The following TEK variants were observed in gnomAD, a reference collection of about 807,000 sequenced individuals.
The protein encoded by TEK is angiopoietin-1 receptor.
Under a neutral mutation model 131.8 loss-of-function variants are expected in TEK, and 43 were observed. That is an observed-to-expected ratio of 0.33 (90% CI 0.26 to 0.42). The LOEUF (loss-of-function observed/expected upper bound fraction) is 0.42. TEK is among the 10% of genes least tolerant of loss of function. The pLI, the probability that TEK is intolerant of heterozygous loss-of-function variation, is 1.00. For synonymous variants in TEK, 580 were observed against 491.6 expected (o/e 1.18, Z -2.38); for missense variants, 1,162 against 1,384.4 (o/e 0.84, Z 2.55).
At chr9:27,212,255 T>A (rs981011966) in intron 16 of TEK, among the ~76,000 whole-genome samples, 1 of 152,112 alleles carries the variant, frequency 6.6e-6, no homozygotes, top group African/African-American at 2.4e-5. Flanking sequence ...ATTTAATTGT[T>A]GAAAAATAAT....
At chr9:27,171,517 T>C (rs1564074546) in intron 4 of TEK, among the ~76,000 whole-genome samples, 1 of 152,082 alleles carries the variant, frequency 6.6e-6, no homozygotes, top group South Asian at 2.1e-4. Context: ...ACAATAGAAG[T>C]ATGAGAAGTG....
chr9:27,157,932 C>T lies in TEK; in HGVS notation c.154C>T (p.His52Tyr), dbSNP rs1564066113. The change falls in exon 2 of 23, where the codon CAT (histidine) becomes TAT (tyrosine). Residue 52 changes from histidine to tyrosine, a missense_variant. His to Tyr is a moderately conservative substitution (Grantham distance 83, BLOSUM62 2). This residue lies in a region of TEK where 436 missense variants were observed against 539.1 expected (regional missense o/e 0.81). Coordinates refer to ENST00000380036, the MANE Select transcript of TEK (RefSeq NM_000459.5). ...LTCIASGWRP[H>Y]EPITIGRDFE... The stretch of plus-strand genomic sequence containing the variant: ...CTGCATTGCCTCTGGGTGGCGCCCC[C>T]ATGAGCCCATCACCATAGGAAGGGA... 4.3e-6 allele frequency: 7 copies of T among 1,614,052 alleles called. No homozygotes were observed. Among genetic ancestry groups the T allele is most frequent in the Non-Finnish European group, 5.9e-6 (7 of 1,180,010 alleles).
chr9:27,150,636 A>C (rs1823090018), intron 1 of TEK, among the ~76,000 whole-genome samples: 1 of 152,134 alleles, frequency 6.6e-6, no homozygotes, highest in Non-Finnish European at 1.5e-5. Flanking sequence ...TGAGGCTTGC[A>C]CCAAGCAGTC....
chr9:27,130,862 G>A (rs574434810), intron 1 of TEK, among the ~76,000 whole-genome samples: 2 of 151,486 alleles, frequency 1.3e-5, no homozygotes, highest in South Asian at 4.2e-4. Flanking sequence ...CACCGCGCCC[G>A]GCCAAAGTAC....
At chr9:27,152,647 G>C (rs150918607) in intron 1 of TEK, among the ~76,000 whole-genome samples, 1,519 of 151,666 alleles carry the variant, frequency 0.01, 13 homozygotes, top group Middle Eastern at 0.031. Context: ...CTGGGAGTGG[G>C]TGAGGGTGTG....
At chr9:27,166,619 AT>A (rs1361146759) in intron 2 of TEK, among the ~76,000 whole-genome samples, 1 of 152,026 alleles carries the variant, frequency 6.6e-6, no homozygotes, top group Non-Finnish European at 1.5e-5. Flanking sequence ...CTTTATAATA[AT>A]TTTTTCTGTA....
At chr9:27,227,684 T>TACCTTC (rs1826393589) in intron 21 of TEK, among the ~76,000 whole-genome samples, 6 of 152,196 alleles carry the variant, frequency 3.9e-5, no homozygotes, top group Non-Finnish European at 8.8e-5. Flanking sequence ...CCTCATGACC[T>TACCTTC]GATCACCTCC....
chr9:27,225,908 C>G (rs574334902), intron 21 of TEK, among the ~76,000 whole-genome samples: 3 of 152,248 alleles, frequency 2.0e-5, no homozygotes, highest in African/African-American at 4.8e-5. Context: ...ACAACCCCAT[C>G]AAAAAGTGGG....
rs1281717050 is a variant in TEK at position 27,223,228 on chromosome 9, A to G, written c.3200+3083A>G. Reference sequence around the variant, plus strand: ...ATTAGACGGATCAACGAGACAGAAGATTAACAAGGATATTCAGGACTTGAA... The same window carrying G: ...ATTAGACGGATCAACGAGACAGAAGGTTAACAAGGATATTCAGGACTTGAA... On this transcript the variant is annotated intron_variant, in intron 21 of 22. Transcript: ENST00000380036. Among the ~76,000 whole-genome samples the G allele has an allele frequency of 2.0e-5, 3 of 152,152 alleles. No individual in the cohort carries two copies. In the East Asian group the frequency reaches 5.8e-4, roughly 29 times the overall value.
intron 1 of TEK, among the ~76,000 whole-genome samples, chr9:27,126,816 AT>A (rs1183343949): frequency 6.6e-6 from 1 of 152,130 alleles, no homozygotes. Context: ...GGATGGAAGG[AT>A]TTTGGCTTCC....
chr9:27,203,221 G>C, intron 13 of TEK, 102 bp downstream of exon 13: 1 of 1,301,932 alleles, frequency 7.7e-7, no homozygotes, highest in Non-Finnish European at 1.1e-6. Flanking sequence ...TGAAAAGTCG[G>C]TGGTTGAATG....
chr9:27,129,351 C>T (rs1208097838), intron 1 of TEK, among the ~76,000 whole-genome samples: 2 of 152,158 alleles, frequency 1.3e-5, no homozygotes, highest in South Asian at 2.1e-4. Context: ...TTAATACATG[C>T]ACAAGTAGAT....
chr9:27,126,633 A>C (rs1191184112), intron 1 of TEK, among the ~76,000 whole-genome samples: 4 of 152,352 alleles, frequency 2.6e-5, no homozygotes, highest in Admixed American at 2.6e-4. Context: ...ATACAGGGCA[A>C]TATAGCACAG....
At chr9:27,202,008 T>C (rs922096412) in intron 12 of TEK, among the ~76,000 whole-genome samples, 40 of 152,204 alleles carry the variant, frequency 2.6e-4, no homozygotes, top group African/African-American at 9.4e-4. Flanking sequence ...AGAGCTCGAA[T>C]CCATTCTTTT....
At position 27,229,027 on chromosome 9, in the gene TEK, A is replaced by C. The variant is rs1587065411; in HGVS notation, c.3301-131A>C. 8 of 794,432 alleles carry C rather than the reference A, an allele frequency of 1.0e-5. No individual in the cohort carries two copies. The East Asian group carries it at 1.7e-4, about 17-fold the overall frequency. The allele number at this position is 794,432 out of a possible 1,614,324, so 49.2% of individuals were successfully genotyped here. A position where few individuals can be genotyped will look rare whatever the true frequency, so the allele number is the denominator to read the frequency against. ...CAAATACAACAGAGGGACTGAGGAC[A>C]GAAAAGTATCCCCCAAGTGCTTAGT... is the stretch of plus-strand genomic sequence containing the variant. On this transcript the variant is annotated intron_variant, in intron 22 of 22. Coordinates refer to ENST00000380036, the MANE Select transcript of TEK (RefSeq NM_000459.5).
chr9:27,166,608 G>A (rs1370144532), intron 2 of TEK, among the ~76,000 whole-genome samples: 2 of 152,002 alleles, frequency 1.3e-5, no homozygotes, highest in African/African-American at 4.8e-5. Flanking sequence ...CTAATTTTTA[G>A]CTTTATAATA....
At chr9:27,168,371 A>T in intron 2 of TEK, 124 bp from the exon 3 acceptor site, 1 of 737,088 alleles carries the variant, frequency 1.4e-6, no homozygotes, top group Non-Finnish European at 2.4e-6. Flanking sequence ...ACTGTTTTTC[A>T]CCTTCCAAAA....
At position 27,218,828 on chromosome 9, in the gene TEK, A is replaced by C. The variant is rs761823555; in HGVS notation, c.3103+11A>C. On this transcript the variant is annotated intron_variant, in intron 20 of 22. Coordinates refer to ENST00000380036, the MANE Select transcript of TEK (RefSeq NM_000459.5). ...AGATTGTTAGCTTAGGTGAGTATCT[A>C]TGTTTATCTACCAGGTGAGACTCTA... is the stretch of plus-strand genomic sequence containing the variant. The C allele has an allele frequency of 6.2e-7, 1 of 1,613,546 alleles. No homozygotes were observed. The highest frequency in any genetic ancestry group is 8.5e-7 in the Non-Finnish European group (1 of 1,179,668).
intron 16 of TEK, among the ~76,000 whole-genome samples, chr9:27,212,267 A>C (rs1825663588): frequency 6.6e-6 from 1 of 152,202 alleles, no homozygotes; most frequent in Admixed American, 6.5e-5. Flanking sequence ...AAAAATAATA[A>C]CAACCTCAGG....
Sources: gnomAD v4.1 joint callset for allele counts (sites outside exome capture counted in the v4.1 genomes callset) on GRCh38, gnomAD v4.1.1 for gene constraint, gnomAD v4.1.1 regional missense constraint, MANE v1.5 for transcripts, NCBI Gene and HGNC (gene_info 2026-07-23, HGNC 2026-07-21) for gene names.